XKR6: variants seen among roughly 807,000 people sequenced by gnomAD.
XKR6 encodes the protein XK-related protein 6.
XKR6 carries 22 observed loss-of-function variants against 56.7 expected under a neutral mutation model. The ratio of observed to expected loss-of-function variants is 0.39; its 90% CI spans 0.28 to 0.55. XKR6 has a LOEUF of 0.55. Among genes scored for constraint, XKR6 ranks in the 20% least tolerant of loss-of-function variants. XKR6 has a pLI of 0.66. For missense variants in XKR6, 852 were observed against 889.0 expected (o/e 0.96, Z 0.53); for synonymous variants, 524 against 387.8 (o/e 1.35, Z -4.13).
chr8:11,035,401 A>G, intron 1 of XKR6: 1 of 515,940 alleles, frequency 1.9e-6, no homozygotes. Flanking sequence ...GCAAAGTGCA[A>G]CTCCAGGAAA....
At chr8:11,081,900 C>T (rs748476914) in intron 1 of XKR6, among the ~76,000 whole-genome samples, 9 of 152,206 alleles carry the variant, frequency 5.9e-5, no homozygotes, top group Non-Finnish European at 1.2e-4. Flanking sequence ...CCTTGCCCCT[C>T]GAGGTGGGAC....
chr8:11,057,761 T>C (rs1799723209), intron 1 of XKR6, among the ~76,000 whole-genome samples: 1 of 152,214 alleles, frequency 6.6e-6, no homozygotes, highest in Non-Finnish European at 1.5e-5. Flanking sequence ...ACAATGCTCT[T>C]CCTGACTCCT....
At chr8:11,192,693 A>C (rs1803645690) in intron 1 of XKR6, among the ~76,000 whole-genome samples, 1 of 152,200 alleles carries the variant, frequency 6.6e-6, no homozygotes, top group African/African-American at 2.4e-5. Context: ...TGTGCTTCAA[A>C]GCTTCAATAA....
chr8:11,137,556 C>G (rs59978078), intron 1 of XKR6: 1 of 456,130 alleles, frequency 2.2e-6, no homozygotes, highest in African/African-American at 2.0e-5. Context: ...CCCCAGTGTT[C>G]TGGAAGAAAA....
intron 2 of XKR6, among the ~76,000 whole-genome samples, chr8:10,923,140 G>A (rs1365072666): frequency 6.6e-6 from 1 of 152,244 alleles, no homozygotes; most frequent in Non-Finnish European, 1.5e-5. Context: ...GAAAACAGAG[G>A]TTGTGGCTGC....
chr8:10,956,076 G>C (rs1371112450), intron 1 of XKR6, among the ~76,000 whole-genome samples: 3 of 152,172 alleles, frequency 2.0e-5, no homozygotes, highest in African/African-American at 7.2e-5. Context: ...TGCCTGCCCA[G>C]TGCTCCTGGC....
intron 1 of XKR6, among the ~76,000 whole-genome samples, chr8:11,159,424 G>A (rs547300305): frequency 4.9e-4 from 75 of 152,298 alleles, no homozygotes; most frequent in Non-Finnish European, 7.8e-4. Flanking sequence ...CCTAGATCGC[G>A]AGAGAAAAGA....
intron 1 of XKR6, among the ~76,000 whole-genome samples, chr8:10,998,689 C>A (rs182417227): frequency 1.9e-3 from 291 of 152,310 alleles, no homozygotes; most frequent in African/African-American, 6.8e-3. Flanking sequence ...CTAGGACACT[C>A]ACTGCCTCCA....
At chr8:11,027,848 C>A (rs1004630934) in intron 1 of XKR6, among the ~76,000 whole-genome samples, 1 of 152,002 alleles carries the variant, frequency 6.6e-6, no homozygotes, top group African/African-American at 2.4e-5. Flanking sequence ...CCTACAAGGC[C>A]CACAGTTACA....
intron 1 of XKR6, chr8:11,109,272 C>T (rs1024586542): frequency 6.6e-6 from 1 of 152,210 alleles, no homozygotes; most frequent in African/African-American, 2.4e-5. Flanking sequence ...CCATCATCTC[C>T]ACTACGTTCA....
intron 1 of XKR6, among the ~76,000 whole-genome samples, chr8:11,132,381 C>A (rs539559126): frequency 1.3e-5 from 2 of 151,738 alleles, no homozygotes; most frequent in Admixed American, 6.6e-5. Context: ...TTCCCCCAGA[C>A]GGAATCTTGC....
intron 1 of XKR6, among the ~76,000 whole-genome samples, chr8:10,984,718 C>CTATA (rs1563328065): frequency 3.5e-5 from 3 of 85,012 alleles, no homozygotes; most frequent in African/African-American, 1.6e-4. Flanking sequence ...CTCTCTCTCT[C>CTATA]TCTCTCTCTC....
At position 10,924,725 on chromosome 8, in the gene XKR6, C is replaced by G; in HGVS notation, c.870G>C (p.Leu290=). 6.2e-7 allele frequency: 1 copy of G among 1,613,848 alleles called. No homozygotes were observed. Among genetic ancestry groups the G allele is most frequent in the Non-Finnish European group, 8.5e-7 (1 of 1,179,992 alleles). The change falls in exon 2 of 3, where the codon CTG becomes CTC. Residue 290 remains leucine (L), a synonymous_variant. Coordinates refer to ENST00000416569, the MANE Select transcript of XKR6 (RefSeq NM_173683.4). Reference sequence around the variant, plus strand: ...TCTCCAGGAAGGTCTCCAGGAGGCGCAGCATGTTGACGTCTGCATATTCAT... The same window carrying G: ...TCTCCAGGAAGGTCTCCAGGAGGCGGAGCATGTTGACGTCTGCATATTCAT... ...MMYEYADVNM[L]RLLETFLESA...
chr8:11,028,385 G>A (rs1373537698), intron 1 of XKR6, among the ~76,000 whole-genome samples: 2 of 152,194 alleles, frequency 1.3e-5, no homozygotes, highest in African/African-American at 4.8e-5. Flanking sequence ...CCAAGTTTCA[G>A]TAAGTATGAA....
At chr8:11,027,767 G>A (rs989424212) in intron 1 of XKR6, among the ~76,000 whole-genome samples, 5 of 152,182 alleles carry the variant, frequency 3.3e-5, no homozygotes, top group Admixed American at 3.3e-4. Context: ...TACTCCGTGT[G>A]TTCAACAAGT....
chr8:11,017,855 C>T (rs1053999554), intron 1 of XKR6, among the ~76,000 whole-genome samples: 1 of 152,164 alleles, frequency 6.6e-6, no homozygotes, highest in Non-Finnish European at 1.5e-5. Flanking sequence ...GCTGGATCCC[C>T]GGATCCTGAG....
rs1283317943 is a variant in XKR6 at position 10,896,320 on chromosome 8, T to G, written c.*1632A>C. On this transcript the variant is annotated 3_prime_UTR_variant, in exon 3 of 3. Transcript: ENST00000416569. ...TGAGAAAATAAACAGTGGAATCAAA[T>G]CCTCACCCAAATGGCATGGCCTCTA... The G allele has an allele frequency of 6.6e-6, 1 of 152,620 alleles. No individual in the cohort carries two copies. The highest frequency in any genetic ancestry group is 1.5e-5 in the Non-Finnish European group (1 of 68,002). The allele number at this position is 152,620 out of a possible 1,614,324, so 9.5% of individuals were successfully genotyped here.
At chr8:11,073,521 G>A (rs1187335829) in intron 1 of XKR6, among the ~76,000 whole-genome samples, 1 of 152,184 alleles carries the variant, frequency 6.6e-6, no homozygotes, top group African/African-American at 2.4e-5. Flanking sequence ...AACATTCCCT[G>A]TTCCTTTGAA....
At chr8:11,052,020 C>A (rs1799562714) in intron 1 of XKR6, among the ~76,000 whole-genome samples, 1 of 152,168 alleles carries the variant, frequency 6.6e-6, no homozygotes, top group Non-Finnish European at 1.5e-5. Flanking sequence ...AGTTCCCTCC[C>A]CTCAACGCTT....
Sources: gnomAD v4.1 joint callset for allele counts (sites outside exome capture counted in the v4.1 genomes callset) on GRCh38, gnomAD v4.1.1 for gene constraint, MANE v1.5 for transcripts, NCBI Gene and HGNC (gene_info 2026-07-23, HGNC 2026-07-21) for gene names.